The following LZTS1 variants were observed in gnomAD, a reference collection of about 807,000 sequenced individuals.
LZTS1 encodes the protein leucine zipper tumor suppressor 1.
In LZTS1, 31 loss-of-function variants were observed where a neutral mutation model predicts 45.8. That is an observed-to-expected ratio of 0.68 (90% CI 0.51 to 0.91). LZTS1 has a LOEUF of 0.91. Among genes scored for constraint, LZTS1 ranks in the 40% least tolerant of loss-of-function variants. LZTS1 has a pLI of 0.00. For synonymous variants in LZTS1, 359 were observed against 357.3 expected (o/e 1.00, Z -0.05); for missense variants, 821 against 788.9 (o/e 1.04, Z -0.49).
chr8:20,252,806 G>C lies in LZTS1; in HGVS notation c.1125C>G (p.Pro375=). The C allele has an allele frequency of 1.3e-6, 2 of 1,530,194 alleles. No individual in the cohort carries two copies. Among genetic ancestry groups the C allele is most frequent in the Non-Finnish European group, 1.8e-6 (2 of 1,137,946 alleles). 94.8% of individuals were successfully genotyped at this position (1,530,194 alleles called of 1,614,324 possible). A position where few individuals can be genotyped will look rare whatever the true frequency, so the allele number is the denominator to read the frequency against. The change falls in exon 3 of 4, where the codon CCC becomes CCG. Residue 375 remains proline, a synonymous_variant. Transcript: ENST00000381569. The part of the protein sequence containing the change: ...SYEREKTSFG[P]ALEETQWEVC... ...CCTCCCACTGGGTCTCCTCCAGCGC[G>C]GGGCCGAAGCTGGTCTTCTCCCTCT...
At chr8:20,283,030 G>A (rs1220944016) in intron 1 of LZTS1, among the ~76,000 whole-genome samples, 2 of 152,186 alleles carry the variant, frequency 1.3e-5, no homozygotes, top group East Asian at 3.9e-4. Flanking sequence ...GGGCTCAGAA[G>A]TGGGATGGAT....
rs1334148618 is a variant in LZTS1 at position 20,246,316 on chromosome 8, T to TA, written c.*3405dup. ...AAGAAACCACAAAGAGAAAAATAACTATGTACATCTTCCAGATGCTGGTCC... is the reference window on the plus strand; with the variant it reads ...AAGAAACCACAAAGAGAAAAATAACTAATGTACATCTTCCAGATGCTGGTCC... On this transcript the variant is annotated 3_prime_UTR_variant, in exon 4 of 4. Coordinates refer to ENST00000381569, the MANE Select transcript of LZTS1 (RefSeq NM_021020.5). The TA allele has an allele frequency of 6.6e-6, 1 of 152,310 alleles. No individual in the cohort carries two copies. The highest frequency in any genetic ancestry group is 1.5e-5 in the Non-Finnish European group (1 of 68,052). The allele number at this position is 152,310 out of a possible 1,614,324, so 9.4% of individuals were successfully genotyped here. A position where few individuals can be genotyped will look rare whatever the true frequency, so the allele number is the denominator to read the frequency against.
In LZTS1 at chr8:20,251,150, A is replaced by ATATATATATATATAT. The variant is rs1563851104; in HGVS notation, c.1150-788_1150-787insATATATATATATATA. On this transcript the variant is annotated intron_variant, in intron 3 of 3. Coordinates refer to ENST00000381569, the MANE Select transcript of LZTS1 (RefSeq NM_021020.5). Reference sequence around the variant, plus strand: ...ATATATATATATATATATATATATAAAATATAAAGTATAAGAGTAGAGATT... The same window carrying ATATATATATATATAT: ...ATATATATATATATATATATATATAATATATATATATATATAATATAAAGTATAAGAGTAGAGATT... Among the ~76,000 whole-genome samples, 53 of 78,970 alleles carry ATATATATATATATAT rather than the reference A, an allele frequency of 6.7e-4. 15 individuals are homozygous for ATATATATATATATAT. The highest frequency in any genetic ancestry group is 1.3e-3 in the Non-Finnish European group (47 of 36,894). 51.8% of individuals were successfully genotyped at this position (78,970 alleles called of 152,430 possible).
In LZTS1 at chr8:20,253,069, CCTT is replaced by C. The variant is rs764050723; in HGVS notation, c.859_861del (p.Lys287del). On this transcript the variant is annotated inframe_deletion, in exon 3 of 4. Coordinates refer to ENST00000381569, the MANE Select transcript of LZTS1 (RefSeq NM_021020.5). ...TCGTAGGCCAGGCTGGAGGCAAGCT[CCTT>C]CTCCTCAAAGCTGCGCTGCAGCTTC... 4 of 1,608,430 alleles carry C rather than the reference CCTT, an allele frequency of 2.5e-6. No individual in the cohort carries two copies. In the South Asian group the frequency reaches 4.4e-5, roughly 18 times the overall value.
rs555701149 is a variant in LZTS1 at position 20,255,303 on chromosome 8, G to A, written c.-122C>T. The A allele has an allele frequency of 1.6e-5, 23 of 1,446,144 alleles. No individual in the cohort carries two copies. Among genetic ancestry groups the A allele is most frequent in the African/African-American group, 8.5e-5 (6 of 70,240 alleles). The allele number at this position is 1,446,144 out of a possible 1,614,324, so 89.6% of individuals were successfully genotyped here. A position where few individuals can be genotyped will look rare whatever the true frequency, so the allele number is the denominator to read the frequency against. On this transcript the variant is annotated 5_prime_UTR_variant, in exon 2 of 4. Transcript: ENST00000381569. ...ATAGCAAAGCCCTCACAGAGCCTGC[G>A]AGAGCCGTAGACCTGGAAGAAGACA...
intron 1 of LZTS1, among the ~76,000 whole-genome samples, chr8:20,272,117 A>T (rs564380545): frequency 6.6e-6 from 1 of 152,368 alleles, no homozygotes; most frequent in Admixed American, 6.5e-5. Context: ...CCTTAATAGA[A>T]TCATGTCATG....
In LZTS1 at chr8:20,254,968, G is replaced by C. The variant is rs1367666242; in HGVS notation, c.214C>G (p.Gln72Glu). Residue 72 changes from glutamine (Q) to glutamate (E), a missense_variant, in exon 2 of 4, where the codon CAG (glutamine) becomes GAG (glutamate). By Grantham distance (29) the Gln-to-Glu change is conservative. Transcript: ENST00000381569. Reference sequence around the variant, plus strand: ...GGGTGATGGGAGCCCCGGGCTTTCTGGCTGACCTTGATGTAGAAGAAGTCT... The same window carrying C: ...GGGTGATGGGAGCCCCGGGCTTTCTCGCTGACCTTGATGTAGAAGAAGTCT... ...SEDFFYIKVS[Q>E]KARGSHHPDY... 18 of 1,614,086 alleles carry C rather than the reference G, an allele frequency of 1.1e-5. No homozygotes were observed. The highest frequency in any genetic ancestry group is 1.4e-5 in the Non-Finnish European group (17 of 1,180,054).
At chr8:20,252,646 G>T in intron 3 of LZTS1, 136 bp downstream of exon 3, 1 of 636,690 alleles carries the variant, frequency 1.6e-6, no homozygotes, top group Non-Finnish European at 2.4e-6. Flanking sequence ...CCTTCTTTGG[G>T]TGATAAAGCC....
At chr8:20,252,186 C>T (rs1279561624) in intron 3 of LZTS1, among the ~76,000 whole-genome samples, 1 of 152,134 alleles carries the variant, frequency 6.6e-6, no homozygotes, top group Admixed American at 6.5e-5. Context: ...CCACGTGTGA[C>T]CGGGTGAGTG....
At chr8:20,285,650 G>T (rs961618982) in intron 1 of LZTS1, among the ~76,000 whole-genome samples, 1 of 152,158 alleles carries the variant, frequency 6.6e-6, no homozygotes, top group Non-Finnish European at 1.5e-5. Flanking sequence ...TACATTTTAT[G>T]CACATTGACC....
intron 1 of LZTS1, among the ~76,000 whole-genome samples, chr8:20,259,660 C>A (rs1469387924): frequency 3.9e-5 from 6 of 152,160 alleles, no homozygotes; most frequent in African/African-American, 1.4e-4. Context: ...GAAGTCTTGA[C>A]CCATCCAGGA....
intron 1 of LZTS1, among the ~76,000 whole-genome samples, chr8:20,291,111 A>G (rs1480832562): frequency 6.6e-6 from 1 of 152,226 alleles, no homozygotes; most frequent in East Asian, 1.9e-4. Context: ...ACAGCCGCCC[A>G]TTCTACATAA....
Position 20,255,085 on chromosome 8 carries a change from T to G in LZTS1, c.97A>C (p.Lys33Gln), listed in dbSNP as rs1174711780. 6.2e-7 allele frequency: 1 copy of G among 1,614,094 alleles called. No individual in the cohort carries two copies. Among genetic ancestry groups the G allele is most frequent in the Admixed American group, 1.7e-5 (1 of 60,014 alleles). ...YKLRKSSHLKKLNRYSDGLLR... is the reference protein window; with the variant it reads ...YKLRKSSHLKQLNRYSDGLLR... ...AGCCCGTCGGAATACCGGTTGAGCTTCTTGAGGTGGGAGGACTTGCGCAGC... is the reference window on the plus strand; with the variant it reads ...AGCCCGTCGGAATACCGGTTGAGCTGCTTGAGGTGGGAGGACTTGCGCAGC... The change falls in exon 2 of 4, where the codon AAG (lysine) becomes CAG (glutamine). Residue 33 changes from lysine to glutamine, a missense_variant. Transcript: ENST00000381569.
In LZTS1 at chr8:20,250,192, G is replaced by A. The variant is rs372940217; in HGVS notation, c.1321C>T (p.Arg441Cys). The A allele has an allele frequency of 1.9e-5, 30 of 1,609,936 alleles. No homozygotes were observed. Among genetic ancestry groups the A allele is most frequent in the Middle Eastern group, 1.6e-4 (1 of 6,084 alleles). ...LRTQDLEGAL[R>C]TKGLELEVCE... ...ACCTCCAGCTCCAGGCCCTTGGTGC[G>A]CAGGGCGCCCTCCAGGTCCTGGGTC... is the stretch of plus-strand genomic sequence containing the variant. Residue 441 changes from arginine to cysteine, a missense_variant, in exon 4 of 4, where the codon CGC (arginine) becomes TGC (cysteine). Physicochemically the swap from Arg to Cys is radical, Grantham distance 180. Coordinates refer to ENST00000381569, the MANE Select transcript of LZTS1 (RefSeq NM_021020.5).
In LZTS1 at chr8:20,252,968, C is replaced by A; in HGVS notation, c.963G>T (p.Ser321=). 6 of 1,588,132 alleles carry A rather than the reference C, an allele frequency of 3.8e-6. No individual in the cohort carries two copies. Among genetic ancestry groups the A allele is most frequent in the Non-Finnish European group, 4.3e-6 (5 of 1,167,646 alleles). ...CCTGCTGCGCGCGCTGGCTCTTCTGCGAGGCCTGCTTGAGCTTGTTGCCGC... is the reference window on the plus strand; with the variant it reads ...CCTGCTGCGCGCGCTGGCTCTTCTGAGAGGCCTGCTTGAGCTTGTTGCCGC... ...PKGGNKLKQA[S]QKSQRAQQVL... The change falls in exon 3 of 4, where the codon TCG becomes TCT. Residue 321 remains serine (S), a synonymous_variant. Coordinates refer to ENST00000381569, the MANE Select transcript of LZTS1 (RefSeq NM_021020.5).
chr8:20,256,060 C>CAA (rs386412254), intron 1 of LZTS1, among the ~76,000 whole-genome samples: 18,404 of 56,290 alleles, frequency 0.33, 3,251 homozygotes, highest in Non-Finnish European at 0.41. Flanking sequence ...GGGCCTGACT[C>CAA]AAAAAAAAAA....
intron 1 of LZTS1, among the ~76,000 whole-genome samples, chr8:20,291,417 G>T (rs1176298178): frequency 6.6e-6 from 1 of 152,142 alleles, no homozygotes; most frequent in African/African-American, 2.4e-5. Flanking sequence ...AGGGGAAGAG[G>T]GTGAGACTAA....
At chr8:20,251,149 A>ATATATAT (rs1563851089) in intron 3 of LZTS1, among the ~76,000 whole-genome samples, 7 of 100,210 alleles carry the variant, frequency 7.0e-5, no homozygotes, top group Non-Finnish European at 1.1e-4. Context: ...ATATATATAT[A>ATATATAT]AAATATAAAG....
intron 1 of LZTS1, among the ~76,000 whole-genome samples, chr8:20,293,660 C>T (rs1207050652): frequency 2.0e-5 from 3 of 152,194 alleles, no homozygotes; most frequent in Non-Finnish European, 2.9e-5. Context: ...AGATGGAGCA[C>T]AGTAGCTCAC....
Sources: gnomAD v4.1 joint callset for allele counts (sites outside exome capture counted in the v4.1 genomes callset) on GRCh38, gnomAD v4.1.1 for gene constraint, MANE v1.5 for transcripts, NCBI Gene and HGNC (gene_info 2026-07-23, HGNC 2026-07-21) for gene names.